Variants in ARRB1 observed in about 807,000 individuals in gnomAD.
The protein encoded by ARRB1 is arrestin beta 1.
In ARRB1, 21 loss-of-function variants were observed where a neutral mutation model predicts 56.8. That is an observed-to-expected ratio of 0.37 (90% CI 0.26 to 0.53). The LOEUF (loss-of-function observed/expected upper bound fraction) is 0.53, where lower values mean the gene tolerates loss of function less well. ARRB1 is among the 20% of genes least tolerant of loss of function. The pLI, the probability that ARRB1 is intolerant of heterozygous loss-of-function variation, is 0.88. For missense variants in ARRB1, 424 were observed against 553.7 expected (o/e 0.77, Z 2.35); for synonymous variants, 210 against 218.6 (o/e 0.96, Z 0.35).
At position 75,264,725 on chromosome 11, in the gene ARRB1, G is replaced by A. The variant is rs1210841507; in HGVS notation, c.*1438C>T. The A allele has an allele frequency of 6.6e-6, 1 of 152,214 alleles. No individual in the cohort carries two copies. The highest frequency in any genetic ancestry group is 1.5e-5 in the Non-Finnish European group (1 of 68,038). The allele number at this position is 152,214 out of a possible 1,614,324, so 9.4% of individuals were successfully genotyped here. On this transcript the variant is annotated 3_prime_UTR_variant, in exon 16 of 16. Transcript: ENST00000420843. ...CACAAATTCTTGGTGGCCAGAGCTAGGAAGGCCCATTGTGATCATCTGGTC... is the reference window on the plus strand; with the variant it reads ...CACAAATTCTTGGTGGCCAGAGCTAAGAAGGCCCATTGTGATCATCTGGTC...
intron 1 of ARRB1, among the ~76,000 whole-genome samples, chr11:75,307,218 T>C (rs1265242097): frequency 6.6e-6 from 1 of 152,050 alleles, no homozygotes; most frequent in Non-Finnish European, 1.5e-5. Context: ...GGACCTGAGC[T>C]CCCCATGAAT....
intron 1 of ARRB1, among the ~76,000 whole-genome samples, chr11:75,318,898 C>A (rs1412603381): frequency 6.6e-6 from 1 of 152,026 alleles, no homozygotes; most frequent in Non-Finnish European, 1.5e-5. Flanking sequence ...GTCCAAATGG[C>A]CAGCCCTACT....
intron 2 of ARRB1, among the ~76,000 whole-genome samples, 182 bp downstream of exon 2, chr11:75,289,827 C>T (rs35851742): frequency 2.1e-3 from 325 of 152,242 alleles, no homozygotes; most frequent in African/African-American, 7.6e-3. Context: ...GAGTGTGTCC[C>T]TCCCCCTTCA....
Position 75,272,889 on chromosome 11 carries a change from A to G in ARRB1, c.998+6T>C. ...CCGGGGTCTTGGGCTTGGCTGGAGC[A>G]CTCACCCGCCCCGAGACACCACCAG... is the stretch of plus-strand genomic sequence containing the variant. On this transcript the variant is annotated splice_donor_region_variant and intron_variant, in intron 12 of 15. Coordinates refer to ENST00000420843, the MANE Select transcript of ARRB1 (RefSeq NM_004041.5). 1 of 1,613,674 alleles carries G rather than the reference A, an allele frequency of 6.2e-7. No homozygotes were observed. The highest frequency in any genetic ancestry group is 1.1e-5 in the South Asian group (1 of 91,046).
intron 1 of ARRB1, among the ~76,000 whole-genome samples, chr11:75,351,271 G>A (rs1278174213): frequency 6.6e-6 from 1 of 152,218 alleles, no homozygotes; most frequent in Non-Finnish European, 1.5e-5. Context: ...CCACGGGTTA[G>A]TGTGCCCGTG....
chr11:75,324,261 C>T (rs1378595165), intron 1 of ARRB1, among the ~76,000 whole-genome samples: 1 of 152,222 alleles, frequency 6.6e-6, no homozygotes, highest in Non-Finnish European at 1.5e-5. Context: ...ATAGCACCAG[C>T]ATCAGTTGCT....
At chr11:75,321,865 CA>C (rs1305934301) in intron 1 of ARRB1, among the ~76,000 whole-genome samples, 2 of 152,174 alleles carry the variant, frequency 1.3e-5, no homozygotes, top group Non-Finnish European at 2.9e-5. Context: ...CAGATTTGGG[CA>C]AAGGGCCCTG....
chr11:75,287,745 G>A (rs1946514660), intron 2 of ARRB1, among the ~76,000 whole-genome samples: 1 of 152,250 alleles, frequency 6.6e-6, no homozygotes, highest in Non-Finnish European at 1.5e-5. Flanking sequence ...CCCCAGGCAG[G>A]CGGGAGCGCT....
At chr11:75,326,669 G>A (rs913778556) in intron 1 of ARRB1, among the ~76,000 whole-genome samples, 2 of 150,344 alleles carry the variant, frequency 1.3e-5, no homozygotes, top group African/African-American at 2.5e-5. Flanking sequence ...TAACGCCCAT[G>A]TCTCATCGCA....
chr11:75,279,148 G>C (rs1354090685), intron 7 of ARRB1, among the ~76,000 whole-genome samples: 3 of 152,244 alleles, frequency 2.0e-5, no homozygotes, highest in Non-Finnish European at 4.4e-5. Context: ...TTTAAGGACA[G>C]AAATTTGTGT....
In ARRB1 at chr11:75,266,040, C is replaced by T. The variant is rs563693882; in HGVS notation, c.*123G>A. Reference sequence around the variant, plus strand: ...TTCATCACCGTGATCTGGAAGCCCACGGGGCCCCCTGGTAGAAACTGGAAG... The same window carrying T: ...TTCATCACCGTGATCTGGAAGCCCATGGGGCCCCCTGGTAGAAACTGGAAG... On this transcript the variant is annotated 3_prime_UTR_variant, in exon 16 of 16. Coordinates refer to ENST00000420843, the MANE Select transcript of ARRB1 (RefSeq NM_004041.5). 2.1e-4 allele frequency: 180 copies of T among 841,510 alleles called. No individual in the cohort carries two copies. In the African/African-American group the frequency reaches 2.7e-3, roughly 13 times the overall value. The allele number at this position is 841,510 out of a possible 1,614,324, so 52.1% of individuals were successfully genotyped here. A position where few individuals can be genotyped will look rare whatever the true frequency, so the allele number is the denominator to read the frequency against.
intron 14 of ARRB1, among the ~76,000 whole-genome samples, chr11:75,268,534 A>AG (rs1463080556): frequency 1.0e-4 from 15 of 145,418 alleles, no homozygotes; most frequent in East Asian, 2.1e-4. Context: ...AAAAAAAAAA[A>AG]AAGAAGAAGA....
chr11:75,280,428 C>T (rs1276509096), intron 7 of ARRB1, among the ~76,000 whole-genome samples: 1 of 152,220 alleles, frequency 6.6e-6, no homozygotes, highest in East Asian at 1.9e-4. Context: ...GGCACATCAG[C>T]GTCGAGGGCC....
intron 1 of ARRB1, among the ~76,000 whole-genome samples, chr11:75,298,702 T>A (rs1426834722): frequency 6.6e-6 from 1 of 151,928 alleles, no homozygotes; most frequent in African/African-American, 2.4e-5. Context: ...CCAAAGTAAC[T>A]GAAAATGTCC....
intron 1 of ARRB1, 30 bp downstream of exon 1, chr11:75,351,558 C>T (rs760492592): frequency 1.7e-5 from 25 of 1,496,888 alleles, no homozygotes; most frequent in South Asian, 1.1e-4. Context: ...CCCCCACGCG[C>T]CCCCCGCCGG....
chr11:75,315,081 G>A (rs1452277196), intron 1 of ARRB1, among the ~76,000 whole-genome samples: 5 of 152,182 alleles, frequency 3.3e-5, no homozygotes, highest in African/African-American at 7.2e-5. Context: ...CCCACGCTGC[G>A]GGATGGGGGA....
intron 6 of ARRB1, 126 bp from the exon 7 acceptor site, chr11:75,281,268 T>C: frequency 1.1e-6 from 1 of 906,758 alleles, no homozygotes; most frequent in Non-Finnish European, 1.7e-6. Context: ...CAGCCCAGCC[T>C]TCCTTGGTCT....
intron 1 of ARRB1, among the ~76,000 whole-genome samples, chr11:75,308,669 T>C (rs1236322412): frequency 6.6e-6 from 1 of 151,644 alleles, no homozygotes; most frequent in Non-Finnish European, 1.5e-5. Context: ...TGCTTGAACC[T>C]GGGAGACGGA....
At chr11:75,281,923 TC>T (rs1296698212) in intron 6 of ARRB1, 38 bp downstream of exon 6, 1 of 1,604,360 alleles carries the variant, frequency 6.2e-7, no homozygotes. Context: ...GACATGAGAC[TC>T]CTGGAGCCAG....
Sources: gnomAD v4.1 joint callset for allele counts (sites outside exome capture counted in the v4.1 genomes callset) on GRCh38, gnomAD v4.1.1 for gene constraint, MANE v1.5 for transcripts, NCBI Gene and HGNC (gene_info 2026-07-23, HGNC 2026-07-21) for gene names.